PGBD5: variants seen among roughly 807,000 people sequenced by gnomAD.
PGBD5 encodes the protein piggyBac transposable element derived 5.
In PGBD5, 14 loss-of-function variants were observed where a neutral mutation model predicts 47.9. That is an observed-to-expected ratio of 0.29 (90% confidence interval 0.19 to 0.46). The LOEUF is 0.46. PGBD5 is among the 20% of genes least tolerant of loss of function. The pLI is 1.00. For synonymous variants in PGBD5, 316 were observed against 306.3 expected, an observed-to-expected ratio of 1.03 and a Z score of -0.33; for missense variants, 635 against 716.0, an observed-to-expected ratio of 0.89 and a Z score of 1.29.
At chr1:230,345,880 T>C (rs565265603) in intron 3 of PGBD5, among the ~76,000 whole-genome samples, 1 of 152,276 alleles carries the variant, frequency 6.6e-6, no homozygotes, top group East Asian at 1.9e-4. Context: ...TTTGGTAGGT[T>C]AGGTGTATTA....
chr1:230,350,458 T>C (rs1667544107), intron 3 of PGBD5, among the ~76,000 whole-genome samples: 1 of 152,260 alleles, frequency 6.6e-6, no homozygotes, highest in Non-Finnish European at 1.5e-5. Flanking sequence ...TATTCATAAT[T>C]TCACCAGCAG....
chr1:230,361,392 G>A (rs1297998433), intron 1 of PGBD5, among the ~76,000 whole-genome samples: 1 of 152,190 alleles, frequency 6.6e-6, no homozygotes. Context: ...GGGCTAGGAT[G>A]AAGGGTTGTG....
chr1:230,370,316 C>T (rs137935061), intron 1 of PGBD5, among the ~76,000 whole-genome samples: 15 of 152,286 alleles, frequency 9.8e-5, no homozygotes, highest in African/African-American at 3.4e-4. Flanking sequence ...GTTCGTGAGC[C>T]GTGGGGACTC....
intron 4 of PGBD5, 60 bp downstream of exon 4, chr1:230,337,033 CCCCACCTGGACCTCT>C: frequency 1.3e-6 from 2 of 1,519,284 alleles, no homozygotes; most frequent in Admixed American, 3.6e-5. Flanking sequence ...GTATCTGCAC[CCCCACCTGGACCTCT>C]CCCACCACTT....
intron 3 of PGBD5, among the ~76,000 whole-genome samples, chr1:230,338,008 C>T (rs897217015): frequency 7.2e-5 from 11 of 152,180 alleles, no homozygotes; most frequent in African/African-American, 2.4e-4. Context: ...ATATCTTAAA[C>T]AAACAAAACA....
At chr1:230,335,746 G>GATGCACACATGGAC (rs1667305415) in intron 4 of PGBD5, among the ~76,000 whole-genome samples, 3 of 1,502 alleles carry the variant, frequency 2.0e-3, no homozygotes, top group African/African-American at 2.8e-3. Context: ...CTTACACAAA[G>GATGCACACATGGAC]ACACACACAG....
At chr1:230,328,721 C>T (rs564620437) in intron 5 of PGBD5, among the ~76,000 whole-genome samples, 5 of 152,282 alleles carry the variant, frequency 3.3e-5, no homozygotes, top group Non-Finnish European at 5.9e-5. Flanking sequence ...GCTTGACTGA[C>T]ATTCCTGCTA....
chr1:230,350,159 A>AC (rs1667539440), intron 3 of PGBD5, among the ~76,000 whole-genome samples: 3 of 152,222 alleles, frequency 2.0e-5, no homozygotes, highest in Admixed American at 6.5e-5. Flanking sequence ...GTCAGCAGTC[A>AC]CCACAGGGCT....
chr1:230,402,754 C>G (rs1233418310), intron 1 of PGBD5, among the ~76,000 whole-genome samples: 2 of 152,176 alleles, frequency 1.3e-5, no homozygotes, highest in African/African-American at 4.8e-5. Context: ...TTCCAAAGCA[C>G]TGGGTTGATA....
chr1:230,325,379 C>T lies in PGBD5; in HGVS notation c.1310G>A (p.Cys437Tyr). Residue 437 changes from cysteine to tyrosine, a missense_variant, in exon 6 of 7, where the codon TGC becomes TAC. Cys to Tyr is a radical substitution (Grantham distance 194). Coordinates refer to ENST00000391860, the MANE Select transcript of PGBD5 (RefSeq NM_001258311.2). ...IIKRKSGEIPCPLAVEAFAAH... is the reference protein window; with the variant it reads ...IIKRKSGEIPYPLAVEAFAAH... The stretch of plus-strand genomic sequence containing the variant: ...GGCAAACGCCTCCACGGCCAAGGGG[C>T]ATGGGATCTCCCCACTCTTCCTTTT... 2 of 1,613,834 alleles carry T rather than the reference C, an allele frequency of 1.2e-6. No individual in the cohort carries two copies. Among genetic ancestry groups the T allele is most frequent in the Non-Finnish European group, 1.7e-6 (2 of 1,179,896 alleles).
chr1:230,418,587 A>G (rs1359793398), intron 1 of PGBD5, among the ~76,000 whole-genome samples: 1 of 152,150 alleles, frequency 6.6e-6, no homozygotes, highest in African/African-American at 2.4e-5. Context: ...AGCTCACTGC[A>G]GCCTCACCCA....
At chr1:230,385,262 C>T (rs1345868586) in intron 1 of PGBD5, among the ~76,000 whole-genome samples, 3 of 152,126 alleles carry the variant, frequency 2.0e-5, no homozygotes, top group Non-Finnish European at 2.9e-5. Context: ...GAGACAGATG[C>T]TTGGTAATTA....
chr1:230,329,113 ATT>A (rs1373542597), intron 5 of PGBD5, among the ~76,000 whole-genome samples: 35 of 68,886 alleles, frequency 5.1e-4, no homozygotes, highest in Admixed American at 1.3e-3. Context: ...TGCCCAGCTA[ATT>A]TTTTTTTGGG....
At chr1:230,385,608 T>TACAG (rs1359641879) in intron 1 of PGBD5, among the ~76,000 whole-genome samples, 8 of 152,190 alleles carry the variant, frequency 5.3e-5, no homozygotes, top group Middle Eastern at 3.4e-3. Flanking sequence ...AATTAGAAAA[T>TACAG]ACAAATAAGC....
At chr1:230,370,121 G>C (rs1046156389) in intron 1 of PGBD5, among the ~76,000 whole-genome samples, 1 of 152,234 alleles carries the variant, frequency 6.6e-6, no homozygotes, top group Admixed American at 6.5e-5. Flanking sequence ...CAGAGGGAAA[G>C]GACGGGGATG....
chr1:230,362,672 G>A (rs1667766830), intron 1 of PGBD5, among the ~76,000 whole-genome samples: 2 of 152,294 alleles, frequency 1.3e-5, no homozygotes, highest in South Asian at 4.1e-4. Flanking sequence ...CAGCTAAAGT[G>A]TGAAAGCAGA....
At chr1:230,377,123 C>A (rs1193051467) in intron 1 of PGBD5, among the ~76,000 whole-genome samples, 8 of 152,202 alleles carry the variant, frequency 5.3e-5, no homozygotes, top group African/African-American at 1.9e-4. Flanking sequence ...ACTCCAAGTG[C>A]ATACAGCCCC....
chr1:230,415,023 T>C (rs1300821376), intron 1 of PGBD5, among the ~76,000 whole-genome samples: 2 of 152,184 alleles, frequency 1.3e-5, no homozygotes, highest in African/African-American at 2.4e-5. Flanking sequence ...CCTAGCACTT[T>C]GGGAGGCAGA....
In PGBD5 at chr1:230,317,500, C is replaced by T. The variant is rs1011766457; in HGVS notation, c.*5925G>A. Reference sequence around the variant, plus strand: ...CATTAACTGTCACTCTTTAGTCCAGCGAGGCTTGGGTGAAGACGGCAGAAG... The same window carrying T: ...CATTAACTGTCACTCTTTAGTCCAGTGAGGCTTGGGTGAAGACGGCAGAAG... On this transcript the variant is annotated 3_prime_UTR_variant, in exon 7 of 7. Coordinates refer to ENST00000391860, the MANE Select transcript of PGBD5 (RefSeq NM_001258311.2). 2.6e-5 allele frequency: 4 copies of T among 152,322 alleles called. No homozygotes were observed. Among genetic ancestry groups the T allele is most frequent in the Non-Finnish European group, 4.4e-5 (3 of 68,050 alleles). 9.4% of individuals were successfully genotyped at this position (152,322 alleles called of 1,614,324 possible).
Sources: allele counts gnomAD v4.1 joint callset (sites outside exome capture counted in the v4.1 genomes callset), GRCh38; gene constraint gnomAD v4.1.1; transcripts MANE v1.5; gene names NCBI Gene and HGNC (gene_info 2026-07-23, HGNC 2026-07-21).